BAHCC1: variants seen among roughly 807,000 people sequenced by gnomAD.
The protein encoded by BAHCC1 is BAH and coiled-coil domain-containing protein 1.
A neutral mutation model predicts 88.2 loss-of-function variants in BAHCC1; 43 were observed. That is an observed-to-expected ratio of 0.49 (90% confidence interval 0.38 to 0.63). The LOEUF (loss-of-function observed/expected upper bound fraction) is 0.63, where lower values mean the gene tolerates loss of function less well. BAHCC1 is among the 20% of genes least tolerant of loss of function. The pLI, the probability that BAHCC1 is intolerant of heterozygous loss-of-function variation, is 0.00. For synonymous variants in BAHCC1, 1,510 were observed against 745.5 expected (o/e 2.03, Z -16.71); for missense variants, 3,023 against 1,654.8 (o/e 1.83, Z -14.34).
intron 2 of BAHCC1, among the ~76,000 whole-genome samples, chr17:81,425,060 TGGTGATGTGGTTGGTGG>T (rs199901767): frequency 2.0e-5 from 2 of 98,708 alleles, no homozygotes; most frequent in African/African-American, 4.1e-5. Flanking sequence ...ATGTGGTTGG[TGGTGATGTGGTTGGTGG>T]GTGATGTGGT....
rs2064368462 is a variant in BAHCC1 at position 81,438,498 on chromosome 17, T to C, written c.481+6T>C. The C allele has an allele frequency of 1.3e-6, 1 of 766,778 alleles. No homozygotes were observed. The allele number at this position is 766,778 out of a possible 1,614,324, so 47.5% of individuals were successfully genotyped here. The stretch of plus-strand genomic sequence containing the variant: ...TTTCTATGGAACCCAAAAAGGCAAG[T>C]GCAGCATGGGACCGGCGTGGGGAGC... On this transcript the variant is annotated splice_donor_region_variant and intron_variant, in intron 4 of 27. Coordinates refer to ENST00000675386, the MANE Select transcript of BAHCC1 (RefSeq NM_001377448.1).
chr17:81,403,912 C>T (rs1239386475), intron 2 of BAHCC1, among the ~76,000 whole-genome samples: 2 of 152,258 alleles, frequency 1.3e-5, no homozygotes, highest in African/African-American at 2.4e-5. Flanking sequence ...GCTCGTGCTG[C>T]CACCACGTCT....
chr17:81,462,601 T>C (rs2030398033), intron 26 of BAHCC1, 139 bp from the exon 27 acceptor site: 2 of 604,648 alleles, frequency 3.3e-6, no homozygotes, highest in Non-Finnish European at 5.9e-6. Flanking sequence ...TGCTGCGGCT[T>C]CCTGCCCTTG....
chr17:81,464,685 A>G lies in BAHCC1; in HGVS notation c.*868A>G, dbSNP rs1409472223. ...CGAACAAATATTTTAAAGTATTGAT[A>G]AGAAAAAGCAATGTTTGGATTGTAT... On this transcript the variant is annotated 3_prime_UTR_variant, in exon 28 of 28. Transcript: ENST00000675386. 6.6e-6 allele frequency: 1 copy of G among 152,536 alleles called. No individual in the cohort carries two copies. Among genetic ancestry groups the G allele is most frequent in the African/African-American group, 2.4e-5 (1 of 41,448 alleles). 9.4% of individuals were successfully genotyped at this position (152,536 alleles called of 1,614,324 possible).
At position 81,435,601 on chromosome 17, in the gene BAHCC1, T is replaced by G; in HGVS notation, c.359-2769T>G. The G allele has an allele frequency of 4.6e-6, 2 of 431,798 alleles. No homozygotes were observed. The highest frequency in any genetic ancestry group is 4.8e-6 in the Non-Finnish European group (1 of 208,630). The allele number at this position is 431,798 out of a possible 1,614,324, so 26.7% of individuals were successfully genotyped here. A position where few individuals can be genotyped will look rare whatever the true frequency, so the allele number is the denominator to read the frequency against. On this transcript the variant is annotated intron_variant, in intron 3 of 27. Transcript: ENST00000675386. The surrounding 1 kb of genome is among the most constrained non-coding windows in gnomAD (Gnocchi z 4.4). ...CCGACGTTCTAGCAGGAGCTTGCAG[T>G]TGAGGACCTCTGGCTCTGGGTTCAT...
In BAHCC1 at chr17:81,465,673, CTA is replaced by C. The variant is rs1177801654; in HGVS notation, c.*1858_*1859del. On this transcript the variant is annotated 3_prime_UTR_variant, in exon 28 of 28. Coordinates refer to ENST00000675386, the MANE Select transcript of BAHCC1 (RefSeq NM_001377448.1). ...CCCAATCCCAGGTCCCCTTGGCCCC[CTA>C]TTTTTCTCGGGCCCATTGGGGCCTG... The C allele has an allele frequency of 6.6e-6, 1 of 152,322 alleles. No homozygotes were observed. Among genetic ancestry groups the C allele is most frequent in the Admixed American group, 6.5e-5 (1 of 15,292 alleles). 9.4% of individuals were successfully genotyped at this position (152,322 alleles called of 1,614,324 possible).
Position 81,461,542 on chromosome 17 carries a change from G to A in BAHCC1, c.6879G>A (p.Ser2293=), listed in dbSNP as rs782772396. The change falls in exon 26 of 28, where the codon TCG becomes TCA. Residue 2293 remains serine, a synonymous_variant. Coordinates refer to ENST00000675386, the MANE Select transcript of BAHCC1 (RefSeq NM_001377448.1). ...PYDSDCHSSF[S]DEDEDGPGLA... ...ACAGCGACTGCCACAGCTCCTTCTC[G>A]GACGAGGACGAGGACGGGCCGGGGC... 1.2e-4 allele frequency: 84 copies of A among 725,224 alleles called. 1 individual carries two copies. The highest frequency in any genetic ancestry group is 4.1e-4 in the Admixed American group (21 of 50,918). The allele number at this position is 725,224 out of a possible 1,614,324, so 44.9% of individuals were successfully genotyped here.
chr17:81,399,256 A>C lies in BAHCC1; in HGVS notation c.-206-278A>C. On this transcript the variant is annotated intron_variant, in intron 1 of 27. Coordinates refer to ENST00000675386, the MANE Select transcript of BAHCC1 (RefSeq NM_001377448.1). This position sits in a 1 kb window ranked among gnomAD's most constrained non-coding sequence, Gnocchi z 4.5. Reference sequence around the variant, plus strand: ...AGCTGCAGGGACCCGCGGGGACGAGAACGGGAGGCGGCGAGCAGTGCGGCT... The same window carrying C: ...AGCTGCAGGGACCCGCGGGGACGAGCACGGGAGGCGGCGAGCAGTGCGGCT... 1 of 398,744 alleles carries C rather than the reference A, an allele frequency of 2.5e-6. No homozygotes were observed. Among genetic ancestry groups the C allele is most frequent in the Non-Finnish European group, 5.1e-6 (1 of 197,730 alleles). 24.7% of individuals were successfully genotyped at this position (398,744 alleles called of 1,614,324 possible).
At chr17:81,454,860 C>G (rs1278644132) in intron 14 of BAHCC1, among the ~76,000 whole-genome samples, 1 of 152,132 alleles carries the variant, frequency 6.6e-6, no homozygotes, top group Non-Finnish European at 1.5e-5. Flanking sequence ...CCCCTCAGAG[C>G]CCTCACCGGC....
intron 2 of BAHCC1, chr17:81,407,394 CCTCT>C (rs782265553): frequency 3.8e-6 from 2 of 519,936 alleles, no homozygotes; most frequent in African/African-American, 3.8e-5. Flanking sequence ...AGTGCGACTC[CCTCT>C]CTCTCCGGTC....
chr17:81,445,488 G>T lies in BAHCC1; in HGVS notation c.2970G>T (p.Leu990=). 1.3e-6 allele frequency: 1 copy of T among 750,758 alleles called. No individual in the cohort carries two copies. The allele number at this position is 750,758 out of a possible 1,614,324, so 46.5% of individuals were successfully genotyped here. The change falls in exon 10 of 28, where the codon CTG becomes CTT. Residue 990 remains leucine, a synonymous_variant. Transcript: ENST00000675386. The stretch of plus-strand genomic sequence containing the variant: ...CACCCGCTGCAGGCCCCACCAAGCT[G>T]CCACCTTGCTGCCATCCGCCCGACC... ...APSPAAGPTK[L]PPCCHPPDPK... is the part of the protein sequence containing the mutation.
chr17:81,420,931 G>C (rs781908073), intron 2 of BAHCC1, among the ~76,000 whole-genome samples: 1 of 152,372 alleles, frequency 6.6e-6, no homozygotes. Context: ...GACAGGCCGT[G>C]TTCAGCCCCC....
chr17:81,458,213 G>T lies in BAHCC1; in HGVS notation c.5090G>T (p.Arg1697Leu). ...GAGAGTGAGGTCAAGATCAAGAGGCGGTCGGTGAAGGCCAAGGTGGGCACC... is the reference window on the plus strand; with the variant it reads ...GAGAGTGAGGTCAAGATCAAGAGGCTGTCGGTGAAGGCCAAGGTGGGCACC... ...SPESEVKIKR[R>L]SVKAKVGTTL... The change falls in exon 18 of 28, where the codon CGG (arginine) becomes CTG (leucine). Residue 1697 changes from arginine (R) to leucine (L), a missense_variant. Arg to Leu is a moderately radical substitution (Grantham distance 102). Coordinates refer to ENST00000675386, the MANE Select transcript of BAHCC1 (RefSeq NM_001377448.1). 1.4e-6 allele frequency: 1 copy of T among 730,754 alleles called. No homozygotes were observed. The highest frequency in any genetic ancestry group is 1.9e-5 in the Admixed American group (1 of 51,714). 45.3% of individuals were successfully genotyped at this position (730,754 alleles called of 1,614,324 possible).
rs2030581605 is a variant in BAHCC1 at position 81,464,717 on chromosome 17, A to T, written c.*900A>T. On this transcript the variant is annotated 3_prime_UTR_variant, in exon 28 of 28. Coordinates refer to ENST00000675386, the MANE Select transcript of BAHCC1 (RefSeq NM_001377448.1). ...AGCAATGTTTGGATTGTATCTGCTG[A>T]ATCATATTCCAACCTATATCTGATT... The T allele has an allele frequency of 6.6e-6, 1 of 152,566 alleles. No individual in the cohort carries two copies. Among genetic ancestry groups the T allele is most frequent in the South Asian group, 2.1e-4 (1 of 4,838 alleles). 9.5% of individuals were successfully genotyped at this position (152,566 alleles called of 1,614,324 possible).
chr17:81,433,938 C>G (rs1417498050), intron 3 of BAHCC1, among the ~76,000 whole-genome samples: 2 of 152,242 alleles, frequency 1.3e-5, no homozygotes, highest in African/African-American at 4.8e-5. Flanking sequence ...AGAGCCAGTG[C>G]TGAGTTGCGG....
intron 26 of BAHCC1, chr17:81,462,433 C>T (rs75956117): frequency 1.0e-5 from 5 of 502,374 alleles, no homozygotes; most frequent in Admixed American, 7.6e-5. Flanking sequence ...TGGGGCCACT[C>T]GTGGGTCTTT....
intron 14 of BAHCC1, among the ~76,000 whole-genome samples, 154 bp from the exon 15 acceptor site, chr17:81,455,113 C>G (rs1238397225): frequency 6.6e-6 from 1 of 152,176 alleles, no homozygotes; most frequent in East Asian, 1.9e-4. Flanking sequence ...TGGCTCGGCC[C>G]CCGGGGCCCC....
At chr17:81,462,176 C>T (rs1598518579) in intron 26 of BAHCC1, 130 bp downstream of exon 26, 1 of 597,902 alleles carries the variant, frequency 1.7e-6, no homozygotes, top group East Asian at 2.8e-5. Context: ...ATGTGGAAAA[C>T]TCAAGGGAAG....
chr17:81,444,936 G>A, intron 8 of BAHCC1, 79 bp from the exon 9 acceptor site: 1 of 685,114 alleles, frequency 1.5e-6, no homozygotes, highest in Non-Finnish European at 2.7e-6. Context: ...TTGGTGGGCT[G>A]AGGAAAGGGT....
Sources: allele counts gnomAD v4.1 joint callset (sites outside exome capture counted in the v4.1 genomes callset), GRCh38; gene constraint gnomAD v4.1.1; non-coding constraint Gnocchi (gnomAD v3.1); transcripts MANE v1.5; gene names NCBI Gene and HGNC (gene_info 2026-07-23, HGNC 2026-07-21).